The following SYT1 variants were observed in gnomAD, a reference collection of about 807,000 sequenced individuals.
The protein encoded by SYT1 is synaptotagmin-1.
In SYT1, 8 loss-of-function variants were observed where a neutral mutation model predicts 44.8. The ratio of observed to expected loss-of-function variants is 0.18; its 90% CI spans 0.10 to 0.32. SYT1 has a LOEUF of 0.32. SYT1 is among the 10% of genes least tolerant of loss of function. The pLI is 1.00. For synonymous variants in SYT1, 154 were observed against 188.8 expected (o/e 0.82, Z 1.51); for missense variants, 286 against 509.3 (o/e 0.56, Z 4.22).
chr12:79,134,985 CCACACA>C (rs201834566), intron 3 of SYT1, among the ~76,000 whole-genome samples: 3 of 147,886 alleles, frequency 2.0e-5, no homozygotes, highest in Non-Finnish European at 3.0e-5. Context: ...AATGTTCTCA[CCACACA>C]CACACACACA....
At chr12:79,151,361 T>C (rs1870262022) in intron 3 of SYT1, among the ~76,000 whole-genome samples, 1 of 152,138 alleles carries the variant, frequency 6.6e-6, no homozygotes, top group African/African-American at 2.4e-5. Context: ...TTAAGATGAT[T>C]TATGAAAATA....
At chr12:79,393,480 T>G (rs995149660) in intron 9 of SYT1, 4 of 152,222 alleles carry the variant, frequency 2.6e-5, no homozygotes, top group Non-Finnish European at 4.4e-5. Context: ...TTTCCTGACT[T>G]CTTAATGATT....
chr12:78,921,041 T>C (rs930014159), intron 1 of SYT1, among the ~76,000 whole-genome samples: 1 of 151,890 alleles, frequency 6.6e-6, no homozygotes, highest in African/African-American at 2.4e-5. Context: ...TATTTAGTAT[T>C]ACAACTTTGA....
intron 4 of SYT1, among the ~76,000 whole-genome samples, chr12:79,248,329 T>G (rs1177943492): frequency 2.6e-5 from 4 of 152,148 alleles, no homozygotes; most frequent in African/African-American, 9.7e-5. Context: ...AAACTAGGAC[T>G]CAACAGACGG....
intron 5 of SYT1, among the ~76,000 whole-genome samples, chr12:79,290,998 A>C (rs566506336): frequency 6.2e-4 from 94 of 152,362 alleles, no homozygotes; most frequent in African/African-American, 2.3e-3. Context: ...TACTTAAAGC[A>C]GTAAGAATTA....
In SYT1 at chr12:79,012,468, T is replaced by C. The variant is rs147074761; in HGVS notation, c.-84+34537T>C. On this transcript the variant is annotated intron_variant, in intron 2 of 10. Transcript: ENST00000261205. Reference sequence around the variant, plus strand: ...TCTTACTCAAGCATAATTGAGCAGGTACTATTCTGGTATACAAAAGGCAAA... The same window carrying C: ...TCTTACTCAAGCATAATTGAGCAGGCACTATTCTGGTATACAAAAGGCAAA... Among the ~76,000 whole-genome samples the C allele has an allele frequency of 1.7e-4, 26 of 152,334 alleles. No individual in the cohort carries two copies. In the East Asian group the frequency reaches 4.6e-3, roughly 27 times the overall value.
intron 1 of SYT1, among the ~76,000 whole-genome samples, chr12:78,884,636 A>C (rs546347396): frequency 3.3e-5 from 5 of 151,288 alleles, no homozygotes; most frequent in Admixed American, 2.0e-4. Context: ...TAATGTTTGC[A>C]TTTCTATATA....
intron 1 of SYT1, among the ~76,000 whole-genome samples, chr12:78,946,304 A>C (rs1878651713): frequency 6.6e-6 from 1 of 152,158 alleles, no homozygotes; most frequent in Non-Finnish European, 1.5e-5. Context: ...GGAAACAAGA[A>C]AGACAAATGT....
At chr12:79,088,589 G>A (rs897596841) in intron 3 of SYT1, among the ~76,000 whole-genome samples, 19 of 152,086 alleles carry the variant, frequency 1.2e-4, no homozygotes, top group Admixed American at 9.2e-4. Context: ...ATAAGCCATG[G>A]TGAGACTTCA....
At chr12:79,045,029 TCAGA>T (rs1377880742) in intron 2 of SYT1, among the ~76,000 whole-genome samples, 4 of 152,128 alleles carry the variant, frequency 2.6e-5, no homozygotes, top group Non-Finnish European at 5.9e-5. Flanking sequence ...TTCAAAGCTG[TCAGA>T]CAGGGACATT....
chr12:79,407,610 T>G (rs1488235800), intron 9 of SYT1, among the ~76,000 whole-genome samples: 1 of 152,110 alleles, frequency 6.6e-6, no homozygotes. Flanking sequence ...CAGTCTTCTT[T>G]GTGAATCACC....
intron 3 of SYT1, among the ~76,000 whole-genome samples, chr12:79,054,512 A>C (rs1874782526): frequency 6.6e-6 from 1 of 152,042 alleles, no homozygotes; most frequent in African/African-American, 2.4e-5. Context: ...ATAACAATAC[A>C]GTGGACATTC....
chr12:78,885,735 A>C (rs1227573340), intron 1 of SYT1, among the ~76,000 whole-genome samples: 11 of 151,934 alleles, frequency 7.2e-5, no homozygotes, highest in Admixed American at 7.2e-4. Context: ...TGGGGTGACT[A>C]TGGTTTTTAT....
intron 4 of SYT1, among the ~76,000 whole-genome samples, chr12:79,246,277 T>C (rs572010127): frequency 2.5e-4 from 38 of 152,288 alleles, no homozygotes; most frequent in African/African-American, 8.4e-4. Flanking sequence ...CTCTACTCTT[T>C]TATTCACGTT....
intron 4 of SYT1, among the ~76,000 whole-genome samples, chr12:79,279,887 T>TAA: frequency 6.6e-6 from 1 of 151,950 alleles, no homozygotes; most frequent in Non-Finnish European, 1.5e-5. Flanking sequence ...TCAATCCCAT[T>TAA]TATAATAGCT....
chr12:79,256,865 A>T (rs1172680991), intron 4 of SYT1, among the ~76,000 whole-genome samples: 1 of 152,204 alleles, frequency 6.6e-6, no homozygotes, highest in Non-Finnish European at 1.5e-5. Context: ...ATATGAGAAT[A>T]TTATATTTTA....
rs774685659 is a variant in SYT1, at chr12:79,217,530, A to G, written c.11A>G (p.Glu4Gly). 10 of 1,595,652 alleles carry G rather than the reference A, an allele frequency of 6.3e-6. 1 individual carries two copies. The South Asian group carries it at 1.1e-4, about 18-fold the overall frequency. ...TCACCTGAACCTAAAATGGTGAGCG[A>G]GAGTCACCATGAGGCCCTGGCAGCC... is the stretch of plus-strand genomic sequence containing the variant. MVS[E>G]SHHEALAAPP... The change falls in exon 4 of 11, where the codon GAG (glutamate) becomes GGG (glycine). Residue 4 changes from glutamate to glycine, a missense_variant. Around this residue, in one of 6 missense-constraint regions of SYT1, gnomAD observed 141 missense variants for 165.7 expected, o/e 0.85. Coordinates refer to ENST00000261205, the MANE Select transcript of SYT1 (RefSeq NM_005639.3).
chr12:79,072,330 TGAG>T, intron 3 of SYT1, among the ~76,000 whole-genome samples: 1 of 151,810 alleles, frequency 6.6e-6, no homozygotes, highest in East Asian at 1.9e-4. Flanking sequence ...TGTCCAGAGA[TGAG>T]GAGGAGTATT....
At chr12:79,417,148 C>T (rs1396084063) in intron 9 of SYT1, among the ~76,000 whole-genome samples, 1 of 152,136 alleles carries the variant, frequency 6.6e-6, no homozygotes, top group Non-Finnish European at 1.5e-5. Flanking sequence ...CCTGCTTTTA[C>T]AATTTGTCAT....
Sources: allele counts gnomAD v4.1 joint callset (sites outside exome capture counted in the v4.1 genomes callset), GRCh38; gene constraint gnomAD v4.1.1; regional missense constraint gnomAD v4.1.1; transcripts MANE v1.5; gene names NCBI Gene and HGNC (gene_info 2026-07-23, HGNC 2026-07-21).